Variants in VSTM4 observed in about 807,000 individuals in gnomAD.
The protein encoded by VSTM4 is V-set and transmembrane domain containing 4, also known as V-set and transmembrane domain-containing protein 4.
Under a neutral mutation model 36.4 loss-of-function variants are expected in VSTM4, and 20 were observed. The ratio of observed to expected loss-of-function variants is 0.55; its 90% confidence interval spans 0.39 to 0.80. The LOEUF (loss-of-function observed/expected upper bound fraction) is 0.80. Ranked by LOEUF, VSTM4 falls within the 30% of genes least tolerant of loss-of-function variation. VSTM4 has a pLI of 0.00. For missense variants in VSTM4, 392 were observed against 404.5 expected (o/e 0.97, Z 0.26); for synonymous variants, 182 against 173.9 (o/e 1.05, Z -0.37).
chr10:49,021,823 C>G (rs147153930), intron 7 of VSTM4, among the ~76,000 whole-genome samples: 3 of 152,080 alleles, frequency 2.0e-5, no homozygotes, highest in Non-Finnish European at 4.4e-5. Context: ...ATTCGTATAA[C>G]GCAATATACG....
Position 49,066,177 on chromosome 10 carries a change from G to A in VSTM4, c.635-1441C>T, listed in dbSNP as rs959938381. Among the ~76,000 whole-genome samples, 12 of 152,156 alleles carry A rather than the reference G, an allele frequency of 7.9e-5. No individual in the cohort carries two copies. In the East Asian group the frequency reaches 9.7e-4, roughly 12 times the overall value. On this transcript the variant is annotated intron_variant, in intron 4 of 7. Transcript: ENST00000332853. ...CTTAGAACATGCCTGAGGTCTGGCC[G>A]TATTCATTTCCCTTCCCCACTTTTA...
At chr10:49,055,914 C>T (rs185956859) in intron 5 of VSTM4, among the ~76,000 whole-genome samples, 4 of 152,330 alleles carry the variant, frequency 2.6e-5, no homozygotes, top group East Asian at 1.9e-4. Flanking sequence ...AAATGCTCTC[C>T]GAGTCCTTGA....
chr10:49,106,683 A>T (rs113534294), intron 2 of VSTM4, among the ~76,000 whole-genome samples: 3 of 152,212 alleles, frequency 2.0e-5, no homozygotes, highest in Middle Eastern at 3.4e-3. Context: ...TGCCTCCTCC[A>T]TGGGTGCCCG....
chr10:49,081,145 A>T (rs1844271158), intron 3 of VSTM4, among the ~76,000 whole-genome samples: 1 of 152,062 alleles, frequency 6.6e-6, no homozygotes. Context: ...AACCCAGCAA[A>T]CCCACGGCCA....
chr10:49,103,842 A>G (rs758865101), intron 2 of VSTM4: 2 of 1,614,056 alleles, frequency 1.2e-6, no homozygotes, highest in Admixed American at 1.7e-5. Context: ...TCCCCTCTCC[A>G]CTGGATGGCT....
At chr10:49,024,541 T>C (rs1011956034) in intron 7 of VSTM4, among the ~76,000 whole-genome samples, 1 of 152,192 alleles carries the variant, frequency 6.6e-6, no homozygotes, top group Admixed American at 6.5e-5. Flanking sequence ...TGGATCTTAG[T>C]TTAAAGGTCA....
chr10:49,103,465 C>A (rs572858477), intron 2 of VSTM4: 3 of 1,014,602 alleles, frequency 3.0e-6, no homozygotes, highest in South Asian at 9.1e-5. Flanking sequence ...CTTCTTTAAA[C>A]CCTTTCAGTA....
intron 7 of VSTM4, among the ~76,000 whole-genome samples, chr10:49,030,919 G>C (rs986043187): frequency 6.6e-6 from 1 of 152,212 alleles, no homozygotes; most frequent in Non-Finnish European, 1.5e-5. Context: ...TGTTCTTGGG[G>C]AGAGTCCTAA....
intron 2 of VSTM4, among the ~76,000 whole-genome samples, chr10:49,089,544 A>G (rs1844434211): frequency 6.6e-6 from 1 of 152,204 alleles, no homozygotes; most frequent in African/African-American, 2.4e-5. Flanking sequence ...TAATCTATTT[A>G]TGGACACATG....
intron 2 of VSTM4, among the ~76,000 whole-genome samples, chr10:49,098,382 C>T (rs1315490854): frequency 2.0e-5 from 3 of 152,166 alleles, no homozygotes; most frequent in African/African-American, 7.2e-5. Context: ...GGGTGTCATC[C>T]CAAAGCTCTC....
intron 2 of VSTM4, among the ~76,000 whole-genome samples, chr10:49,105,213 C>CAGAGAGACAG (rs1844753501): frequency 1.7e-5 from 2 of 117,434 alleles, no homozygotes; most frequent in Non-Finnish European, 3.5e-5. Flanking sequence ...GACAGAGAGA[C>CAGAGAGACAG]AGAGAGAGAG....
Position 49,035,988 on chromosome 10 carries a change from G to C in VSTM4, c.837+10995C>G, listed in dbSNP as rs567354306. ...TCTTGCTAGGCAAGTGTTGGCAGGG[G>C]CAGGCAGTAGAGGGGCCTTGGCACT... On this transcript the variant is annotated intron_variant, in intron 7 of 7. Transcript: ENST00000332853. 2.1e-4 allele frequency among the ~76,000 whole-genome samples: 32 copies of C among 152,316 alleles called. No individual in the cohort carries two copies. The South Asian group carries it at 6.2e-3, about 30-fold the overall frequency.
At chr10:49,031,784 T>C (rs1843349286) in intron 7 of VSTM4, among the ~76,000 whole-genome samples, 1 of 152,180 alleles carries the variant, frequency 6.6e-6, no homozygotes, top group South Asian at 2.1e-4. Flanking sequence ...GATCCTTCAT[T>C]ACCTCATCCT....
chr10:49,024,429 C>T (rs1843227021), intron 7 of VSTM4, among the ~76,000 whole-genome samples: 1 of 152,148 alleles, frequency 6.6e-6, no homozygotes, highest in Non-Finnish European at 1.5e-5. Context: ...GGAAATTCTT[C>T]TAACTCTCAG....
At chr10:49,044,869 T>G (rs865846359) in intron 7 of VSTM4, among the ~76,000 whole-genome samples, 3 of 152,232 alleles carry the variant, frequency 2.0e-5, no homozygotes, top group Non-Finnish European at 4.4e-5. Context: ...TCCTGTTAAC[T>G]TTTGTGTGTG....
In VSTM4 at chr10:49,044,804, G is replaced by T. The variant is rs903165256; in HGVS notation, c.837+2179C>A. Among the ~76,000 whole-genome samples the T allele has an allele frequency of 2.0e-5, 3 of 152,160 alleles. No homozygotes were observed. In the South Asian group the frequency reaches 6.2e-4, roughly 32 times the overall value. ...GTCTACTCTGAAATTAGGAAGAAATGCTACCTTCGGGAAGCTTTACTTTGT... is the reference window on the plus strand; with the variant it reads ...GTCTACTCTGAAATTAGGAAGAAATTCTACCTTCGGGAAGCTTTACTTTGT... On this transcript the variant is annotated intron_variant, in intron 7 of 7. Transcript: ENST00000332853.
chr10:49,022,971 C>T (rs532612518), intron 7 of VSTM4, among the ~76,000 whole-genome samples: 15 of 152,152 alleles, frequency 9.9e-5, no homozygotes, highest in African/African-American at 3.6e-4. Flanking sequence ...TATGATGTTC[C>T]TATAGTAAAC....
chr10:49,036,904 G>A (rs1843439931), intron 7 of VSTM4, among the ~76,000 whole-genome samples: 1 of 152,164 alleles, frequency 6.6e-6, no homozygotes, highest in Non-Finnish European at 1.5e-5. Context: ...TGTCCATTTT[G>A]AGCATTCTAA....
At chr10:49,060,153 C>T (rs1843850008) in intron 5 of VSTM4, among the ~76,000 whole-genome samples, 1 of 152,208 alleles carries the variant, frequency 6.6e-6, no homozygotes, top group African/African-American at 2.4e-5. Flanking sequence ...TTATCATGAA[C>T]ACAGCAGCTA....
Sources: gnomAD v4.1 joint callset for allele counts (sites outside exome capture counted in the v4.1 genomes callset) on GRCh38, gnomAD v4.1.1 for gene constraint, MANE v1.5 for transcripts, NCBI Gene and HGNC (gene_info 2026-07-23, HGNC 2026-07-21) for gene names.